The following GMPS variants were observed in gnomAD, a reference collection of about 807,000 sequenced individuals.
GMPS encodes GMP synthase [glutamine-hydrolyzing].
A neutral mutation model predicts 77.9 loss-of-function variants in GMPS; 15 were observed. That is an observed-to-expected ratio of 0.19 (90% CI 0.13 to 0.30). The LOEUF (loss-of-function observed/expected upper bound fraction) is 0.30. Ranked by LOEUF, GMPS falls within the 10% of genes least tolerant of loss-of-function variation. The probability of loss-of-function intolerance (pLI) is 1.00; values close to 1 mark genes in which losing one functional copy is unlikely to be tolerated. For missense variants in GMPS, 590 were observed against 838.8 expected (o/e 0.70, Z 3.66); for synonymous variants, 224 against 275.9 (o/e 0.81, Z 1.86).
At chr3:155,903,144 T>TA (rs1162491147) in intron 3 of GMPS, among the ~76,000 whole-genome samples, 1 of 152,224 alleles carries the variant, frequency 6.6e-6, no homozygotes, top group African/African-American at 2.4e-5. Flanking sequence ...ACAGATGCAC[T>TA]AAGATGAGTG....
chr3:155,935,402 C>T (rs1440321138), intron 14 of GMPS, among the ~76,000 whole-genome samples: 1 of 152,156 alleles, frequency 6.6e-6, no homozygotes, highest in African/African-American at 2.4e-5. Context: ...CAGCTGATCT[C>T]GAACTCCTAA....
At chr3:155,881,031 T>A (rs185600354) in intron 1 of GMPS, among the ~76,000 whole-genome samples, 1 of 152,258 alleles carries the variant, frequency 6.6e-6, no homozygotes, top group East Asian at 1.9e-4. Flanking sequence ...CTTACATTCT[T>A]ATGTATTTCT....
chr3:155,934,827 CT>C, intron 13 of GMPS, 88 bp from the exon 14 acceptor site: 3 of 827,440 alleles, frequency 3.6e-6, no homozygotes, highest in Non-Finnish European at 6.0e-6. Context: ...AAGAATGTTA[CT>C]GTTCTAAGTG....
intron 3 of GMPS, among the ~76,000 whole-genome samples, chr3:155,900,040 A>C (rs188573817): frequency 6.6e-6 from 1 of 152,168 alleles, no homozygotes; most frequent in South Asian, 2.1e-4. Context: ...GTGACTTCCA[A>C]GTTTTGGTAA....
At chr3:155,872,181 C>T (rs1753922987) in intron 1 of GMPS, among the ~76,000 whole-genome samples, 1 of 152,152 alleles carries the variant, frequency 6.6e-6, no homozygotes, top group Non-Finnish European at 1.5e-5. Flanking sequence ...GCTCAAGGGT[C>T]ACATCTTAGG....
chr3:155,875,749 T>G (rs1358071012), intron 1 of GMPS, among the ~76,000 whole-genome samples: 1 of 152,194 alleles, frequency 6.6e-6, no homozygotes, highest in Non-Finnish European at 1.5e-5. Flanking sequence ...TAGAGATGCT[T>G]CTGTATTTGC....
At chr3:155,915,493 C>A (rs2108111787) in intron 8 of GMPS, among the ~76,000 whole-genome samples, 1 of 152,228 alleles carries the variant, frequency 6.6e-6, no homozygotes, top group South Asian at 2.1e-4. Context: ...ACTTTGCCTC[C>A]AGGGTTCAAG....
chr3:155,938,509 T>G lies in GMPS; in HGVS notation c.*817T>G. 1 of 209,684 alleles carries G rather than the reference T, an allele frequency of 4.8e-6. No homozygotes were observed. The highest frequency in any genetic ancestry group is 9.7e-6 in the Non-Finnish European group (1 of 102,930). 13.0% of individuals were successfully genotyped at this position (209,684 alleles called of 1,614,324 possible). ...TTAGAAGAAACTGGCTCAATGACGT[T>G]TCTGGTGTAGTGCAGATAGAGGTCA... On this transcript the variant is annotated 3_prime_UTR_variant, in exon 16 of 16. Transcript: ENST00000496455.
At chr3:155,937,242 A>C (rs1019577830) in intron 15 of GMPS, among the ~76,000 whole-genome samples, 11 of 152,248 alleles carry the variant, frequency 7.2e-5, no homozygotes, top group Admixed American at 1.3e-4. Context: ...GCATTGGCTG[A>C]AACACATAAA....
intron 12 of GMPS, among the ~76,000 whole-genome samples, chr3:155,927,106 T>C (rs1473761170): frequency 3.3e-5 from 5 of 152,328 alleles, no homozygotes; most frequent in African/African-American, 1.2e-4. Context: ...GTTAAGGAAC[T>C]CTTGCCTTCT....
At chr3:155,889,949 T>C (rs536981350) in intron 1 of GMPS, among the ~76,000 whole-genome samples, 19 of 152,348 alleles carry the variant, frequency 1.2e-4, no homozygotes, top group African/African-American at 4.6e-4. Flanking sequence ...TATTTGTCTC[T>C]GCATTGATGT....
chr3:155,915,840 G>A (rs1755163913), intron 8 of GMPS, among the ~76,000 whole-genome samples, 179 bp from the exon 9 acceptor site: 1 of 152,172 alleles, frequency 6.6e-6, no homozygotes, highest in Non-Finnish European at 1.5e-5. Context: ...TTGGCCTCAT[G>A]TACCTTTTTG....
In GMPS at chr3:155,884,149, GCTGAGGCGGGTGGATCAC is replaced by G. The variant is rs1754274050; in HGVS notation, c.28-9362_28-9345del. On this transcript the variant is annotated intron_variant, in intron 1 of 15. Transcript: ENST00000496455. ...ACCTGTAATCCCAGCACTTTGGGAG[GCTGAGGCGGGTGGATCAC>G]CTGAGGTCAGGAGTTCAAGACCAAC... is the stretch of plus-strand genomic sequence containing the variant. Among the ~76,000 whole-genome samples, 7 of 151,664 alleles carry G rather than the reference GCTGAGGCGGGTGGATCAC, an allele frequency of 4.6e-5. No individual in the cohort carries two copies. The South Asian group carries it at 1.5e-3, about 32-fold the overall frequency.
chr3:155,921,060 G>A (rs986020135), intron 10 of GMPS, among the ~76,000 whole-genome samples: 2 of 152,068 alleles, frequency 1.3e-5, no homozygotes, highest in Non-Finnish European at 2.9e-5. Flanking sequence ...TGGCCAACGC[G>A]GTGAAACCCG....
rs374436916 is a variant in GMPS at position 155,925,353 on chromosome 3, C to T, written c.1547C>T (p.Thr516Ile). The change falls in exon 12 of 16, where the codon ACT becomes ATT. Residue 516 changes from threonine (T) to isoleucine (I), a missense_variant. By Grantham distance (89) the Thr-to-Ile change is moderately conservative (BLOSUM62 -1). This residue lies in a region of GMPS where 89 missense variants were observed against 95.9 expected (regional missense o/e 0.93). Transcript: ENST00000496455. ...AATGCCTTCTTGCTGCCAATTAAAA[C>T]TGTAGGTGTGCAGGTGAGTTGTGTG... ...SLNAFLLPIK[T>I]VGVQGDCRSY... is the part of the protein sequence containing the mutation. The T allele has an allele frequency of 6.2e-7, 1 of 1,608,692 alleles. No homozygotes were observed. The highest frequency in any genetic ancestry group is 8.5e-7 in the Non-Finnish European group (1 of 1,176,610).
chr3:155,892,254 A>G (rs1754489275), intron 1 of GMPS, among the ~76,000 whole-genome samples: 1 of 152,206 alleles, frequency 6.6e-6, no homozygotes, highest in East Asian at 1.9e-4. Flanking sequence ...GCACTTTTAT[A>G]TAAGACACAT....
Position 155,910,938 on chromosome 3 carries a change from T to A in GMPS, c.720+53T>A, listed in dbSNP as rs758817363. On this transcript the variant is annotated intron_variant, in intron 6 of 15. Coordinates refer to ENST00000496455, the MANE Select transcript of GMPS (RefSeq NM_003875.3). Reference sequence around the variant, plus strand: ...CAAATTTATATCAATAATATTGGAATCCAGGAGTTAGAGTCCTCAACACAG... The same window carrying A: ...CAAATTTATATCAATAATATTGGAAACCAGGAGTTAGAGTCCTCAACACAG... 590 of 1,319,170 alleles carry A rather than the reference T, an allele frequency of 4.5e-4. 1 individual carries two copies. The highest frequency in any genetic ancestry group is 1.3e-3 in the South Asian group (93 of 71,754). 81.7% of individuals were successfully genotyped at this position (1,319,170 alleles called of 1,614,324 possible). A position where few individuals can be genotyped will look rare whatever the true frequency, so the allele number is the denominator to read the frequency against.
rs1487512355 is a variant in GMPS, at chr3:155,940,500, T to C, written c.*2808T>C. On this transcript the variant is annotated 3_prime_UTR_variant, in exon 16 of 16. Transcript: ENST00000496455. ...TTAACCTCCTGATAGCCTGTTTTAC[T>C]GAATAACTTGACCCTAACCTGTAGA... The C allele has an allele frequency of 1.4e-5, 3 of 215,088 alleles. No homozygotes were observed. Among genetic ancestry groups the C allele is most frequent in the Non-Finnish European group, 2.8e-5 (3 of 106,722 alleles). 13.3% of individuals were successfully genotyped at this position (215,088 alleles called of 1,614,324 possible). A position where few individuals can be genotyped will look rare whatever the true frequency, so the allele number is the denominator to read the frequency against.
intron 1 of GMPS, among the ~76,000 whole-genome samples, chr3:155,881,164 G>GTTTTTTTTTTTTTTTTTTTTTTTTTTT (rs11334499): frequency 3.8e-5 from 2 of 52,928 alleles, no homozygotes; most frequent in East Asian, 5.5e-4. Flanking sequence ...TTTGATATTA[G>GTTTTTTTTTTTTTTTTTTTTTTTTTTT]TTTTTTTTTT....
Sources: allele counts gnomAD v4.1 joint callset (sites outside exome capture counted in the v4.1 genomes callset), GRCh38; gene constraint gnomAD v4.1.1; regional missense constraint gnomAD v4.1.1; transcripts MANE v1.5; gene names NCBI Gene and HGNC (gene_info 2026-07-23, HGNC 2026-07-21).